ANKS1B: variants seen among roughly 807,000 people sequenced by gnomAD.
ANKS1B encodes the protein ankyrin repeat and sterile alpha motif domain-containing protein 1B.
In ANKS1B, 36 loss-of-function variants were observed where a neutral mutation model predicts 148.3. That is an observed-to-expected ratio of 0.24 (90% CI 0.19 to 0.32). ANKS1B has a LOEUF of 0.32. Among genes scored for constraint, ANKS1B ranks in the 10% least tolerant of loss-of-function variants. The pLI, the probability that ANKS1B is intolerant of heterozygous loss-of-function variation, is 1.00. For synonymous variants in ANKS1B, 542 were observed against 560.8 expected (o/e 0.97, Z 0.47); for missense variants, 1,157 against 1,542.6 (o/e 0.75, Z 4.19).
chr12:99,454,381 T>C (rs2095810624), intron 10 of ANKS1B, among the ~76,000 whole-genome samples: 1 of 152,194 alleles, frequency 6.6e-6, no homozygotes, highest in African/African-American at 2.4e-5. Flanking sequence ...AGAGGCCACA[T>C]CTGTGTGCTA....
chr12:99,227,214 A>T (rs2086080646), intron 14 of ANKS1B, among the ~76,000 whole-genome samples: 1 of 151,970 alleles, frequency 6.6e-6, no homozygotes. Context: ...GTTCTCACAA[A>T]ATCTAGTTGC....
At position 98,767,228 on chromosome 12, in the gene ANKS1B, C is replaced by T. The variant is rs185320204; in HGVS notation, c.3579+5814G>A. Among the ~76,000 whole-genome samples the T allele has an allele frequency of 2.6e-5, 4 of 152,254 alleles. No homozygotes were observed. The East Asian group carries it at 5.8e-4, about 22-fold the overall frequency. ...ACTGATCACGACCACGTGGTTGATG[C>T]TAGTGTTTTTCTTGCCCCACACTTT... On this transcript the variant is annotated intron_variant, in intron 25 of 26. Coordinates refer to ENST00000683438, the MANE Select transcript of ANKS1B (RefSeq NM_001352186.2).
At chr12:98,821,084 A>C (rs1471535176) in intron 19 of ANKS1B, among the ~76,000 whole-genome samples, 3 of 152,214 alleles carry the variant, frequency 2.0e-5, no homozygotes, top group Non-Finnish European at 4.4e-5. Context: ...TGGGGTGGGC[A>C]TTAACCTCAC....
At chr12:99,855,565 A>C (rs2088880913) in intron 1 of ANKS1B, among the ~76,000 whole-genome samples, 1 of 152,188 alleles carries the variant, frequency 6.6e-6, no homozygotes, top group Admixed American at 6.5e-5. Flanking sequence ...AAACGGACTT[A>C]ACAGATATTT....
In ANKS1B at chr12:99,091,237, A is replaced by T. The variant is rs952518470; in HGVS notation, c.2527-6214T>A. Among the ~76,000 whole-genome samples the T allele has an allele frequency of 7.2e-5, 11 of 152,150 alleles. No homozygotes were observed. The East Asian group carries it at 2.1e-3, about 29-fold the overall frequency. On this transcript the variant is annotated intron_variant, in intron 15 of 26. Transcript: ENST00000683438. Reference sequence around the variant, plus strand: ...TAGCATTATATATTTAACAGCTACCATGATTACAATGAATTTTCTGTCACC... The same window carrying T: ...TAGCATTATATATTTAACAGCTACCTTGATTACAATGAATTTTCTGTCACC...
intron 9 of ANKS1B, among the ~76,000 whole-genome samples, chr12:99,603,829 T>C (rs1030042062): frequency 6.6e-6 from 1 of 152,086 alleles, no homozygotes; most frequent in African/African-American, 2.4e-5. Context: ...CATGAAAACA[T>C]TTCCTCATCA....
chr12:99,906,275 A>C (rs1264188833), intron 1 of ANKS1B, among the ~76,000 whole-genome samples: 1 of 152,220 alleles, frequency 6.6e-6, no homozygotes, highest in Non-Finnish European at 1.5e-5. Context: ...CCTCACGTGA[A>C]TAATGTAGTG....
chr12:98,868,424 T>C (rs530531350), intron 17 of ANKS1B, among the ~76,000 whole-genome samples: 4 of 152,322 alleles, frequency 2.6e-5, no homozygotes, highest in African/African-American at 9.6e-5. Context: ...TTTTGCAGGA[T>C]GCACATGTTA....
intron 8 of ANKS1B, among the ~76,000 whole-genome samples, chr12:99,723,189 T>C (rs1286083830): frequency 6.6e-6 from 1 of 152,132 alleles, no homozygotes; most frequent in East Asian, 1.9e-4. Flanking sequence ...GTTTAAGCCA[T>C]TTGAGCTCTT....
At chr12:98,759,363 T>C (rs1371592187) in intron 25 of ANKS1B, among the ~76,000 whole-genome samples, 1 of 152,146 alleles carries the variant, frequency 6.6e-6, no homozygotes, top group East Asian at 1.9e-4. Flanking sequence ...AAGTGATCAC[T>C]GAATGACATG....
chr12:99,813,896 T>C (rs994199023), intron 2 of ANKS1B, among the ~76,000 whole-genome samples: 2 of 151,776 alleles, frequency 1.3e-5, no homozygotes, highest in Admixed American at 6.6e-5. Context: ...GAAATGATAA[T>C]CACACACCAC....
intron 4 of ANKS1B, among the ~76,000 whole-genome samples, chr12:99,802,688 G>T (rs2067094897): frequency 6.6e-6 from 1 of 152,064 alleles, no homozygotes; most frequent in African/African-American, 2.4e-5. Context: ...CAAGAAAGGA[G>T]GATCACTTGA....
At chr12:99,925,473 T>C (rs1439362233) in intron 1 of ANKS1B, among the ~76,000 whole-genome samples, 2 of 152,206 alleles carry the variant, frequency 1.3e-5, no homozygotes, top group African/African-American at 4.8e-5. Flanking sequence ...GCCTCCTATC[T>C]TTGGGGCTTT....
At chr12:99,474,589 A>T (rs2096287795) in intron 10 of ANKS1B, among the ~76,000 whole-genome samples, 1 of 152,114 alleles carries the variant, frequency 6.6e-6, no homozygotes, top group South Asian at 2.1e-4. Flanking sequence ...ATAGAAAAGA[A>T]GTGAAAAGCA....
chr12:99,007,742 C>T (rs996589580), intron 17 of ANKS1B, among the ~76,000 whole-genome samples: 1 of 152,024 alleles, frequency 6.6e-6, no homozygotes, highest in Admixed American at 6.6e-5. Flanking sequence ...TCCCAAAGAC[C>T]CAATTCCTCC....
In ANKS1B at chr12:99,944,401, G is replaced by A. The variant is rs12314593; in HGVS notation, c.134+39703C>T. On this transcript the variant is annotated intron_variant, in intron 1 of 26. Coordinates refer to ENST00000683438, the MANE Select transcript of ANKS1B (RefSeq NM_001352186.2). ...GCCTCCTTCCCAGTGGCCCTTGGCC[G>A]TCAGATGCTGCTCCTCAGGGTTCCC... 3.3e-3 allele frequency among the ~76,000 whole-genome samples: 508 copies of A among 152,262 alleles called. 5 individuals are homozygous for A. The highest frequency in any genetic ancestry group is 0.011 in the African/African-American group (474 of 41,544).
At chr12:99,540,121 T>C (rs543029851) in intron 9 of ANKS1B, among the ~76,000 whole-genome samples, 1 of 151,752 alleles carries the variant, frequency 6.6e-6, no homozygotes, top group South Asian at 2.1e-4. Flanking sequence ...ACAACAAGCA[T>C]AAACATATAT....
At chr12:99,983,964 T>G in intron 1 of ANKS1B, 140 bp downstream of exon 1, 3 of 725,562 alleles carry the variant, frequency 4.1e-6, no homozygotes, top group Non-Finnish European at 6.8e-6. Flanking sequence ...CTCCTCTCCA[T>G]ACACGCAGTC....
At chr12:98,812,649 C>T (rs1431369182) in intron 19 of ANKS1B, among the ~76,000 whole-genome samples, 1 of 152,112 alleles carries the variant, frequency 6.6e-6, no homozygotes, top group Non-Finnish European at 1.5e-5. Flanking sequence ...TCTCGGCTCG[C>T]TGCAACCTCC....
Sources: allele counts gnomAD v4.1 joint callset (sites outside exome capture counted in the v4.1 genomes callset), GRCh38; gene constraint gnomAD v4.1.1; transcripts MANE v1.5; gene names NCBI Gene and HGNC (gene_info 2026-07-23, HGNC 2026-07-21).